The following SOX5 variants were observed in gnomAD, a reference collection of about 807,000 sequenced individuals.
The protein encoded by SOX5 is transcription factor SOX-5.
Under a neutral mutation model 92.0 loss-of-function variants are expected in SOX5, and 9 were observed. The ratio of observed to expected loss-of-function variants is 0.10; its 90% CI spans 0.06 to 0.17. SOX5 has a LOEUF of 0.17. Ranked by LOEUF, SOX5 falls within the 10% of genes least tolerant of loss-of-function variation. The probability of loss-of-function intolerance (pLI) is 1.00; values close to 1 mark genes in which losing one functional copy is unlikely to be tolerated. For missense variants in SOX5, 642 were observed against 944.5 expected (o/e 0.68, Z 4.20); for synonymous variants, 344 against 336.3 (o/e 1.02, Z -0.25).
At chr12:23,743,457 A>T (rs1023542706) in intron 4 of SOX5, among the ~76,000 whole-genome samples, 1 of 151,874 alleles carries the variant, frequency 6.6e-6, no homozygotes, top group African/African-American at 2.4e-5. Context: ...TTACAGGCGC[A>T]TGCCACCATG....
At chr12:24,417,844 C>A (rs1260436908) in intron 1 of SOX5, among the ~76,000 whole-genome samples, 1 of 152,026 alleles carries the variant, frequency 6.6e-6, no homozygotes, top group Non-Finnish European at 1.5e-5. Flanking sequence ...TGAGAAGAAG[C>A]CAGGGAAGAA....
At chr12:23,937,819 T>C (rs973844234) in intron 1 of SOX5, among the ~76,000 whole-genome samples, 3 of 150,974 alleles carry the variant, frequency 2.0e-5, no homozygotes, top group African/African-American at 7.3e-5. Context: ...TCATTGGTTA[T>C]ACATGCATTC....
At chr12:23,631,529 C>T (rs572130151) in intron 8 of SOX5, among the ~76,000 whole-genome samples, 1 of 151,998 alleles carries the variant, frequency 6.6e-6, no homozygotes, top group African/African-American at 2.4e-5. Flanking sequence ...GGTCTTGGGA[C>T]AGCAGTTCTT....
rs528260786 is a variant in SOX5, at chr12:24,493,817, T to C, written c.-251+68512A>G. Among the ~76,000 whole-genome samples, 191 of 151,634 alleles carry C rather than the reference T, an allele frequency of 1.3e-3. 2 individuals carry two copies. Among genetic ancestry groups the C allele is most frequent in the African/African-American group, 3.5e-3 (145 of 41,274 alleles). On this transcript the variant is annotated intron_variant, in intron 1 of 4. Transcript: ENST00000446891. ...AGGCGGAGCTTGCCCTGAGCGGAGATTGCACCACTGCACTCCAGCCTGGGT... is the reference window on the plus strand; with the variant it reads ...AGGCGGAGCTTGCCCTGAGCGGAGACTGCACCACTGCACTCCAGCCTGGGT...
intron 1 of SOX5, among the ~76,000 whole-genome samples, chr12:24,426,052 A>C (rs927611516): frequency 1.3e-5 from 2 of 152,168 alleles, no homozygotes; most frequent in Non-Finnish European, 2.9e-5. Context: ...TCATCATTAT[A>C]GACAAGGCAC....
chr12:24,075,796 AT>A lies in SOX5; in HGVS notation c.-2+137546del, dbSNP rs372970216. ...TTGCTAAACTGTTTAACTCATGACA[AT>A]TTTTCAAAGCAGCCAAGGAGGCCAA... On this transcript the variant is annotated intron_variant, in intron 4 of 4. Coordinates refer to the SOX5 transcript ENST00000446891. Among the ~76,000 whole-genome samples, 26 of 152,264 alleles carry A rather than the reference AT, an allele frequency of 1.7e-4. No individual in the cohort carries two copies. In the East Asian group the frequency reaches 4.2e-3, roughly 25 times the overall value.
rs1209011903 is a variant in SOX5 at position 23,600,546 on chromosome 12, TATATATAC to T, written c.1164+3833_1164+3840del. 6.1e-4 allele frequency among the ~76,000 whole-genome samples: 76 copies of T among 125,540 alleles called. 4 individuals carry two copies. Among genetic ancestry groups the T allele is most frequent in the African/African-American group, 2.1e-3 (72 of 33,682 alleles). The allele number at this position is 125,540 out of a possible 152,430, so 82.4% of individuals were successfully genotyped here. A position where few individuals can be genotyped will look rare whatever the true frequency, so the allele number is the denominator to read the frequency against. ...GCATATATATATATATATATATATA[TATATATAC>T]ACATACTTGGCTTGGGACTAAAAAA... On this transcript the variant is annotated intron_variant, in intron 9 of 14. Coordinates refer to ENST00000451604, the MANE Select transcript of SOX5 (RefSeq NM_006940.6).
intron 4 of SOX5, among the ~76,000 whole-genome samples, chr12:24,008,500 A>C (rs1368000823): frequency 6.6e-6 from 1 of 152,152 alleles, no homozygotes; most frequent in Non-Finnish European, 1.5e-5. Flanking sequence ...GCTTGGATTA[A>C]ATCCACCTAT....
At chr12:24,020,004 C>T (rs1954102448) in intron 4 of SOX5, among the ~76,000 whole-genome samples, 1 of 152,132 alleles carries the variant, frequency 6.6e-6, no homozygotes, top group Non-Finnish European at 1.5e-5. Context: ...TATAATTAGG[C>T]CCTTTTAGTA....
At chr12:23,556,945 G>A (rs887353224) in intron 11 of SOX5, among the ~76,000 whole-genome samples, 1 of 152,234 alleles carries the variant, frequency 6.6e-6, no homozygotes, top group Non-Finnish European at 1.5e-5. Flanking sequence ...AATGATGGAT[G>A]TAAAATTATT....
chr12:24,560,967 G>A (rs1003317727), intron 1 of SOX5, among the ~76,000 whole-genome samples: 3 of 152,146 alleles, frequency 2.0e-5, no homozygotes, highest in Admixed American at 6.5e-5. Flanking sequence ...ACAAATCACT[G>A]TCCAGTCCCT....
intron 1 of SOX5, among the ~76,000 whole-genome samples, chr12:23,948,223 A>T (rs893793453): frequency 4.2e-5 from 3 of 72,098 alleles, no homozygotes; most frequent in South Asian, 6.8e-4. Context: ...TTAATTATTA[A>T]AAAAAAAAAC....
chr12:24,278,130 A>C (rs1047270856), intron 2 of SOX5, among the ~76,000 whole-genome samples: 1 of 152,192 alleles, frequency 6.6e-6, no homozygotes, highest in African/African-American at 2.4e-5. Context: ...AGTCCAATTC[A>C]AGGGAAATTG....
At chr12:24,245,627 T>C (rs1938539738) in intron 3 of SOX5, among the ~76,000 whole-genome samples, 1 of 152,128 alleles carries the variant, frequency 6.6e-6, no homozygotes, top group Non-Finnish European at 1.5e-5. Context: ...GGAGAAGAGC[T>C]GTGAATATGT....
intron 4 of SOX5, among the ~76,000 whole-genome samples, chr12:24,022,174 A>G (rs193261216): frequency 6.6e-6 from 1 of 152,208 alleles, no homozygotes; most frequent in Non-Finnish European, 1.5e-5. Context: ...AGGAGAATAC[A>G]TGATAGCATG....
chr12:24,330,457 T>G (rs1188212709), intron 2 of SOX5, among the ~76,000 whole-genome samples: 1 of 152,238 alleles, frequency 6.6e-6, no homozygotes, highest in Non-Finnish European at 1.5e-5. Context: ...AAAATCTGAT[T>G]ATGCTGCAGC....
chr12:23,712,497 T>C (rs958674918), intron 6 of SOX5, among the ~76,000 whole-genome samples: 1 of 152,212 alleles, frequency 6.6e-6, no homozygotes, highest in Non-Finnish European at 1.5e-5. Context: ...CAGCCAGGTT[T>C]ATCTGGAGAA....
intron 3 of SOX5, among the ~76,000 whole-genome samples, chr12:23,784,449 C>T (rs2095341379): frequency 6.6e-6 from 1 of 152,122 alleles, no homozygotes; most frequent in Non-Finnish European, 1.5e-5. Context: ...GCCTCAGCCT[C>T]CCGAGTAGCT....
chr12:23,578,941 ACAAAGCAAAGCAAAG>A (rs3030240), intron 9 of SOX5, among the ~76,000 whole-genome samples: 1 of 151,440 alleles, frequency 6.6e-6, no homozygotes, highest in African/African-American at 2.4e-5. Flanking sequence ...AAGAAACAAA[ACAAAGCAAAGCAAAG>A]CAAAGCAAAG....
Sources: gnomAD v4.1 joint callset for allele counts (sites outside exome capture counted in the v4.1 genomes callset) on GRCh38, gnomAD v4.1.1 for gene constraint, MANE v1.5 for transcripts, NCBI Gene and HGNC (gene_info 2026-07-23, HGNC 2026-07-21) for gene names.